Variants in SCN2A observed in about 807,000 individuals in gnomAD.
SCN2A encodes the protein sodium channel protein type 2 subunit alpha.
SCN2A carries 20 observed loss-of-function variants against 188.7 expected under a neutral mutation model. That is an observed-to-expected ratio of 0.11 (90% CI 0.07 to 0.15). The LOEUF (loss-of-function observed/expected upper bound fraction) is 0.15. Ranked by LOEUF, SCN2A falls within the 10% of genes least tolerant of loss-of-function variation. The probability of loss-of-function intolerance (pLI) is 1.00; values close to 1 mark genes in which losing one functional copy is unlikely to be tolerated. For missense variants in SCN2A, 1,278 were observed against 2,445.0 expected, an observed-to-expected ratio of 0.52 and a Z score of 10.07; for synonymous variants, 804 against 833.1, an observed-to-expected ratio of 0.97 and a Z score of 0.60.
chr2:165,290,988 A>G (rs1231831595), intron 1 of SCN2A, among the ~76,000 whole-genome samples: 2 of 143,344 alleles, frequency 1.4e-5, no homozygotes, highest in Non-Finnish European at 3.1e-5. Context: ...TAACTCAACA[A>G]CTCTGCTCTT....
chr2:165,288,539 T>TAA (rs539686131), intron 1 of SCN2A, among the ~76,000 whole-genome samples: 1 of 143,780 alleles, frequency 7.0e-6, no homozygotes, highest in Non-Finnish European at 1.5e-5. Context: ...AACCTAGCAT[T>TAA]AAAAAAAAAA....
chr2:165,373,479 A>G (rs1016405663), intron 21 of SCN2A, 132 bp downstream of exon 21: 3 of 1,016,024 alleles, frequency 3.0e-6, no homozygotes, highest in African/African-American at 1.6e-5. Flanking sequence ...ATCAATCAAA[A>G]ATAATATTTA....
rs750894980 is a variant in SCN2A, at chr2:165,291,593, CTCTCTCTT to C, written c.-51-4176_-51-4169del. Among the ~76,000 whole-genome samples, 227 of 137,428 alleles carry C rather than the reference CTCTCTCTT, an allele frequency of 1.7e-3. 2 individuals carry two copies. The highest frequency in any genetic ancestry group is 2.9e-3 in the Non-Finnish European group (187 of 63,902). The allele number at this position is 137,428 out of a possible 152,430, so 90.2% of individuals were successfully genotyped here. ...CCTTCCTTTCTCTCTCTCTCTCTCT[CTCTCTCTT>C]TCTTTCTTTGTCTTGCTCTATCTCC... On this transcript the variant is annotated intron_variant, in intron 1 of 26. Coordinates refer to ENST00000375437, the MANE Select transcript of SCN2A (RefSeq NM_001040142.2).
intron 1 of SCN2A, among the ~76,000 whole-genome samples, chr2:165,262,542 C>T (rs1424389429): frequency 1.3e-5 from 2 of 151,854 alleles, no homozygotes; most frequent in African/African-American, 4.8e-5. Flanking sequence ...CTGAGAAAGC[C>T]ATTATTTCAT....
At chr2:165,371,333 A>T (rs2105367346) in intron 20 of SCN2A, 1 of 152,334 alleles carries the variant, frequency 6.6e-6, no homozygotes, top group African/African-American at 2.4e-5. Context: ...TTTGCCTTAA[A>T]TCAAATATGC....
At chr2:165,309,520 G>A in intron 6 of SCN2A, 77 bp downstream of exon 6, 1 of 1,533,944 alleles carries the variant, frequency 6.5e-7, no homozygotes, top group Non-Finnish European at 9.0e-7. Flanking sequence ...CAGAAGCCTT[G>A]TTGCTAGTTG....
chr2:165,366,201 C>T (rs1700716433), intron 18 of SCN2A, among the ~76,000 whole-genome samples: 1 of 152,124 alleles, frequency 6.6e-6, no homozygotes, highest in Non-Finnish European at 1.5e-5. Context: ...TGTTGCTTTC[C>T]ATAACTATAG....
At chr2:165,265,538 T>TTTAATTAGTTAATTAGATCTAATTAG (rs1694819804) in intron 1 of SCN2A, among the ~76,000 whole-genome samples, 1 of 127,568 alleles carries the variant, frequency 7.8e-6, no homozygotes, top group Non-Finnish European at 1.6e-5. Flanking sequence ...AGCTCTTTAG[T>TTTAATTAGTTAATTAGATCTAATTAG]TTAATTAGAT....
chr2:165,363,518 C>T (rs1039531753), intron 17 of SCN2A, among the ~76,000 whole-genome samples: 2 of 150,944 alleles, frequency 1.3e-5, no homozygotes, highest in Admixed American at 6.7e-5. Context: ...ATAACAGGTT[C>T]GTGTGAATTA....
intron 16 of SCN2A, among the ~76,000 whole-genome samples, chr2:165,349,969 A>T (rs942470177): frequency 6.6e-6 from 1 of 152,230 alleles, no homozygotes; most frequent in Non-Finnish European, 1.5e-5. Context: ...GCTCCACCCA[A>T]ATAGATGTAG....
intron 11 of SCN2A, among the ~76,000 whole-genome samples, chr2:165,316,416 C>T (rs1459142647): frequency 6.6e-6 from 1 of 152,092 alleles, no homozygotes; most frequent in Non-Finnish European, 1.5e-5. Flanking sequence ...ATGCCTCTGC[C>T]TTTTGTACTC....
chr2:165,246,371 C>G (rs1385988409), intron 1 of SCN2A, among the ~76,000 whole-genome samples: 3 of 152,000 alleles, frequency 2.0e-5, no homozygotes. Flanking sequence ...TTTTTTTACC[C>G]TTCTTCAGAC....
chr2:165,290,170 G>A (rs1368865432), intron 1 of SCN2A, among the ~76,000 whole-genome samples: 1 of 152,106 alleles, frequency 6.6e-6, no homozygotes. Flanking sequence ...TCAGATCAGG[G>A]TTATTAGCAC....
rs1414798546 is a variant in SCN2A at position 165,288,419 on chromosome 2, A to G, written c.-51-7354A>G. Among the ~76,000 whole-genome samples the G allele has an allele frequency of 1.5e-4, 22 of 149,844 alleles. 1 individual carries two copies. The highest frequency in any genetic ancestry group is 2.1e-4 in the South Asian group (1 of 4,784). ...CAGGCTTTTTTTTTCTATTTTAAGT[A>G]GTTTCTAAATAATTTTTTTTTATTT... On this transcript the variant is annotated intron_variant, in intron 1 of 26. Transcript: ENST00000375437.
chr2:165,371,306 AT>A (rs1701012038), intron 20 of SCN2A: 2 of 152,236 alleles, frequency 1.3e-5, no homozygotes, highest in Non-Finnish European at 1.5e-5. Context: ...ATGATAGTAT[AT>A]GAAACTGATC....
chr2:165,284,448 C>G (rs574561985), intron 1 of SCN2A, among the ~76,000 whole-genome samples: 1 of 152,190 alleles, frequency 6.6e-6, no homozygotes, highest in Admixed American at 6.5e-5. Context: ...GGTTTACAGG[C>G]GTGAGCCACT....
intron 3 of SCN2A, among the ~76,000 whole-genome samples, chr2:165,300,867 G>T (rs564627700): frequency 6.6e-6 from 1 of 152,144 alleles, no homozygotes; most frequent in African/African-American, 2.4e-5. Flanking sequence ...AGATCACTCT[G>T]GCTGCTTCAT....
intron 1 of SCN2A, chr2:165,271,929 A>G (rs995409725): frequency 1.6e-4 from 24 of 151,902 alleles, no homozygotes; most frequent in Admixed American, 1.4e-3. Context: ...GCACTCTCCT[A>G]TATAAGTATG....
intron 1 of SCN2A, among the ~76,000 whole-genome samples, chr2:165,263,535 T>C (rs1473467118): frequency 1.3e-5 from 2 of 152,010 alleles, no homozygotes; most frequent in Admixed American, 6.6e-5. Context: ...GCTGTAAACA[T>C]TGGGCTTTAT....
Sources: allele counts gnomAD v4.1 joint callset (sites outside exome capture counted in the v4.1 genomes callset), GRCh38; gene constraint gnomAD v4.1.1; transcripts MANE v1.5; gene names NCBI Gene and HGNC (gene_info 2026-07-23, HGNC 2026-07-21).